The following DOCK2 variants were observed in gnomAD, a reference collection of about 807,000 sequenced individuals.
DOCK2 encodes the protein dedicator of cytokinesis 2.
Under a neutral mutation model 248.9 loss-of-function variants are expected in DOCK2, and 87 were observed. That is an observed-to-expected ratio of 0.35 (90% CI 0.29 to 0.42). DOCK2 has a LOEUF of 0.42. DOCK2 is among the 10% of genes least tolerant of loss of function. DOCK2 has a pLI of 1.00. For synonymous variants in DOCK2, 805 were observed against 821.6 expected, an observed-to-expected ratio of 0.98 and a Z score of 0.35; for missense variants, 1,747 against 2,300.2, an observed-to-expected ratio of 0.76 and a Z score of 4.92.
intron 40 of DOCK2, among the ~76,000 whole-genome samples, chr5:170,047,892 A>C (rs1581555539): frequency 6.6e-6 from 1 of 152,126 alleles, no homozygotes; most frequent in Non-Finnish European, 1.5e-5. Context: ...GAGAGGCTGG[A>C]GGATGTTTGC....
intron 27 of DOCK2, among the ~76,000 whole-genome samples, chr5:169,869,147 C>G (rs1373048494): frequency 6.6e-6 from 1 of 152,228 alleles, no homozygotes; most frequent in Admixed American, 6.5e-5. Flanking sequence ...CTCAGCTCCT[C>G]GCATCAACCT....
At chr5:170,036,392 A>T in intron 35 of DOCK2, 123 bp from the exon 36 acceptor site, 1 of 968,782 alleles carries the variant, frequency 1.0e-6, no homozygotes, top group Non-Finnish European at 1.6e-6. Flanking sequence ...TAAGTTTCTT[A>T]TTCCTATCTC....
At chr5:169,706,821 A>C (rs17736846) in intron 14 of DOCK2, among the ~76,000 whole-genome samples, 7,207 of 152,274 alleles carry the variant, frequency 0.047, 378 homozygotes, top group South Asian at 0.15. Flanking sequence ...TTCCTTTTCC[A>C]TACCTCGGAA....
At chr5:169,998,696 G>C (rs1754732278) in intron 30 of DOCK2, among the ~76,000 whole-genome samples, 1 of 152,306 alleles carries the variant, frequency 6.6e-6, no homozygotes. Context: ...GAACACAGTG[G>C]TGGCTGACAC....
At chr5:169,826,886 C>T (rs1390927108) in intron 26 of DOCK2, among the ~76,000 whole-genome samples, 1 of 152,060 alleles carries the variant, frequency 6.6e-6, no homozygotes, top group Non-Finnish European at 1.5e-5. Context: ...TGTAATAACA[C>T]TGTCAGGATC....
At chr5:169,972,574 T>G (rs1777550008) in intron 27 of DOCK2, among the ~76,000 whole-genome samples, 1 of 66,150 alleles carries the variant, frequency 1.5e-5, no homozygotes. Flanking sequence ...GATAGATAGA[T>G]AGATAGATAG....
intron 26 of DOCK2, among the ~76,000 whole-genome samples, chr5:169,803,499 G>T (rs1315825324): frequency 6.6e-6 from 1 of 152,220 alleles, no homozygotes; most frequent in African/African-American, 2.4e-5. Flanking sequence ...ACGTACTCAC[G>T]CCCTAGTTTG....
chr5:169,949,236 A>T (rs1776564370), intron 27 of DOCK2, among the ~76,000 whole-genome samples: 2 of 152,194 alleles, frequency 1.3e-5, no homozygotes, highest in African/African-American at 4.8e-5. Context: ...TATGTGCAGA[A>T]TGTGGTAGGG....
chr5:169,901,754 A>G (rs995142569), intron 27 of DOCK2, among the ~76,000 whole-genome samples: 2 of 152,232 alleles, frequency 1.3e-5, no homozygotes, highest in Non-Finnish European at 2.9e-5. Context: ...ATTTTGAGAC[A>G]CCTAGAATGA....
At chr5:169,712,634 C>A (rs1008738171) in intron 17 of DOCK2, among the ~76,000 whole-genome samples, 2 of 152,104 alleles carry the variant, frequency 1.3e-5, no homozygotes, top group Non-Finnish European at 2.9e-5. Context: ...TTAAAACCTG[C>A]AGTCCTGATC....
chr5:169,952,732 G>C (rs1561847473), intron 27 of DOCK2, among the ~76,000 whole-genome samples: 1 of 152,190 alleles, frequency 6.6e-6, no homozygotes, highest in Non-Finnish European at 1.5e-5. Flanking sequence ...AGACATCTCA[G>C]GTAGGGGTTG....
chr5:169,651,644 G>A (rs1757811116), intron 1 of DOCK2, among the ~76,000 whole-genome samples: 2 of 152,164 alleles, frequency 1.3e-5, no homozygotes, highest in Admixed American at 6.5e-5. Flanking sequence ...CAGACCACTT[G>A]GGCTGAAAGA....
chr5:169,973,164 G>A (rs750512527), intron 27 of DOCK2, among the ~76,000 whole-genome samples: 1 of 152,098 alleles, frequency 6.6e-6, no homozygotes, highest in Non-Finnish European at 1.5e-5. Context: ...TTGGTCACCC[G>A]ATGTTCTGTG....
intron 27 of DOCK2, among the ~76,000 whole-genome samples, chr5:169,846,059 C>T (rs547879774): frequency 2.0e-5 from 3 of 152,290 alleles, no homozygotes; most frequent in African/African-American, 7.2e-5. Context: ...GAGAGATCCC[C>T]ATTCCACCTG....
Position 169,776,180 on chromosome 5 carries a change from T to A in DOCK2, c.2554+14555T>A, listed in dbSNP as rs545305861. Among the ~76,000 whole-genome samples, 197 of 147,632 alleles carry A rather than the reference T, an allele frequency of 1.3e-3. 1 individual carries two copies. The highest frequency in any genetic ancestry group is 4.7e-3 in the African/African-American group (190 of 40,376). ...AAATATATATATTTATATAAATATATATATATAGGTCTCACTCTGTTGCCC... is the reference window on the plus strand; with the variant it reads ...AAATATATATATTTATATAAATATAAATATATAGGTCTCACTCTGTTGCCC... On this transcript the variant is annotated intron_variant, in intron 25 of 51. Transcript: ENST00000520908.
At chr5:169,673,877 A>G (rs1389805155) in intron 5 of DOCK2, among the ~76,000 whole-genome samples, 2 of 152,170 alleles carry the variant, frequency 1.3e-5, no homozygotes, top group Non-Finnish European at 2.9e-5. Context: ...CTTGCTTCCC[A>G]TAGGTGGTAC....
chr5:169,886,822 A>G (rs1467833788), intron 27 of DOCK2, among the ~76,000 whole-genome samples: 2 of 152,148 alleles, frequency 1.3e-5, no homozygotes, highest in African/African-American at 4.8e-5. Flanking sequence ...TTAGCACTTC[A>G]TTCTGGGAAC....
intron 49 of DOCK2, 134 bp downstream of exon 49, chr5:170,079,280 G>A (rs188676726): frequency 2.5e-5 from 31 of 1,230,870 alleles, no homozygotes; most frequent in Admixed American, 1.4e-4. Context: ...TTGCAGAGGC[G>A]GCACCTGAGG....
At chr5:169,740,506 T>A (rs1763253023) in intron 22 of DOCK2, among the ~76,000 whole-genome samples, 1 of 152,226 alleles carries the variant, frequency 6.6e-6, no homozygotes, top group African/African-American at 2.4e-5. Context: ...TAAGGAGTGA[T>A]CCCACCCCAA....
Sources: allele counts gnomAD v4.1 joint callset (sites outside exome capture counted in the v4.1 genomes callset), GRCh38; gene constraint gnomAD v4.1.1; transcripts MANE v1.5; gene names NCBI Gene and HGNC (gene_info 2026-07-23, HGNC 2026-07-21).